Variants in GPRIN3 observed in about 807,000 individuals in gnomAD.
The protein encoded by GPRIN3 is GPRIN family member 3, also known as G protein-regulated inducer of neurite outgrowth 3.
Under a neutral mutation model 13.7 loss-of-function variants are expected in GPRIN3, and 12 were observed. The ratio of observed to expected loss-of-function variants is 0.87; its 90% CI spans 0.56 to 1.42. The LOEUF is 1.42. Among genes scored for constraint, GPRIN3 ranks in the 40% most tolerant of loss-of-function variants. The probability of loss-of-function intolerance (pLI) is 0.00; values close to 1 mark genes in which losing one functional copy is unlikely to be tolerated. For missense variants in GPRIN3, 1,009 were observed against 958.7 expected, an observed-to-expected ratio of 1.05 and a Z score of -0.69; for synonymous variants, 377 against 372.7, an observed-to-expected ratio of 1.01 and a Z score of -0.13.
At chr4:89,272,189 T>C (rs1321033751) in intron 1 of GPRIN3, among the ~76,000 whole-genome samples, 1 of 152,126 alleles carries the variant, frequency 6.6e-6, no homozygotes, top group Non-Finnish European at 1.5e-5. Flanking sequence ...TAACGGGTTA[T>C]GGAGGGTGGT....
At position 89,249,359 on chromosome 4, in the gene GPRIN3, G is replaced by A. The variant is rs769067227; in HGVS notation, c.752C>T (p.Ser251Phe). 6.2e-7 allele frequency: 1 copy of A among 1,614,056 alleles called. No homozygotes were observed. The highest frequency in any genetic ancestry group is 8.5e-7 in the Non-Finnish European group (1 of 1,180,040). Residue 251 changes from serine to phenylalanine, a missense_variant, in exon 2 of 2, where the codon TCT becomes TTT. Coordinates refer to ENST00000609438, the MANE Select transcript of GPRIN3 (RefSeq NM_198281.3). ...GCCTTGGGGGCCCGAGGCAGTGACA[G>A]AGGGCTGCTTGTTCTCTGAACATCC... ...ESGCSENKQP[S>F]VTASGPQGTT...
Position 89,248,860 on chromosome 4 carries a change from G to T in GPRIN3, c.1251C>A (p.Val417=). Residue 417 remains valine (V), a synonymous_variant, in exon 2 of 2, where the codon GTC becomes GTA. Coordinates refer to ENST00000609438, the MANE Select transcript of GPRIN3 (RefSeq NM_198281.3). The part of the protein sequence containing the change: ...ENKLASLPGG[V]LKTSSINLVS... ...CCAAATTGATTGATGAGGTTTTAAGGACCCCACCTGGTAGGCTCGCAAGTT... is the reference window on the plus strand; with the variant it reads ...CCAAATTGATTGATGAGGTTTTAAGTACCCCACCTGGTAGGCTCGCAAGTT... 1 of 1,614,140 alleles carries T rather than the reference G, an allele frequency of 6.2e-7. No individual in the cohort carries two copies. The highest frequency in any genetic ancestry group is 8.5e-7 in the Non-Finnish European group (1 of 1,180,028).
chr4:89,300,812 G>A (rs1724874908), intron 1 of GPRIN3, among the ~76,000 whole-genome samples: 1 of 152,078 alleles, frequency 6.6e-6, no homozygotes, highest in African/African-American at 2.4e-5. Context: ...TACCCACTTT[G>A]TCATAAGCAA....
rs1723014712 is a variant in GPRIN3 at position 89,243,842 on chromosome 4, T to C, written c.*3938A>G. 1 of 152,210 alleles carries C rather than the reference T, an allele frequency of 6.6e-6. No homozygotes were observed. The highest frequency in any genetic ancestry group is 2.4e-5 in the African/African-American group (1 of 41,462). 9.4% of individuals were successfully genotyped at this position (152,210 alleles called of 1,614,324 possible). A position where few individuals can be genotyped will look rare whatever the true frequency, so the allele number is the denominator to read the frequency against. On this transcript the variant is annotated 3_prime_UTR_variant, in exon 2 of 2. Transcript: ENST00000609438. ...AATGTATTGTTTTTCTTTATACTGATTCATAAAAGTAGACAAGGGATGTGG... is the reference window on the plus strand; with the variant it reads ...AATGTATTGTTTTTCTTTATACTGACTCATAAAAGTAGACAAGGGATGTGG...
chr4:89,251,532 A>G (rs2149257779), intron 1 of GPRIN3, among the ~76,000 whole-genome samples: 1 of 152,232 alleles, frequency 6.6e-6, no homozygotes, highest in East Asian at 1.9e-4. Context: ...TTGTAGAAGA[A>G]AAACAGACTG....
chr4:89,265,733 C>G (rs1578088592), intron 1 of GPRIN3, among the ~76,000 whole-genome samples: 1 of 152,134 alleles, frequency 6.6e-6, no homozygotes, highest in East Asian at 1.9e-4. Context: ...TTCCTTCCAC[C>G]CTTCCTTCCT....
At position 89,245,195 on chromosome 4, in the gene GPRIN3, G is replaced by T. The variant is rs547544805; in HGVS notation, c.*2585C>A. 1 of 152,294 alleles carries T rather than the reference G, an allele frequency of 6.6e-6. No homozygotes were observed. The highest frequency in any genetic ancestry group is 2.1e-4 in the South Asian group (1 of 4,828). 9.4% of individuals were successfully genotyped at this position (152,294 alleles called of 1,614,324 possible). On this transcript the variant is annotated 3_prime_UTR_variant, in exon 2 of 2. Transcript: ENST00000609438. Reference sequence around the variant, plus strand: ...TCCCTATCTTATTTATCCATCTGAAGATATATTTCTGTTAATGTCCTTAAA... The same window carrying T: ...TCCCTATCTTATTTATCCATCTGAATATATATTTCTGTTAATGTCCTTAAA...
At chr4:89,303,787 GTA>G (rs1293932794) in intron 1 of GPRIN3, among the ~76,000 whole-genome samples, 1 of 149,010 alleles carries the variant, frequency 6.7e-6, no homozygotes, top group African/African-American at 2.4e-5. Flanking sequence ...TATAAAATAT[GTA>G]TATATGTGTA....
chr4:89,278,848 C>A (rs564745490), intron 1 of GPRIN3, among the ~76,000 whole-genome samples: 1 of 152,300 alleles, frequency 6.6e-6, no homozygotes, highest in African/African-American at 2.4e-5. Context: ...GTCCAAGGAT[C>A]TGGGGTAGTC....
intron 1 of GPRIN3, among the ~76,000 whole-genome samples, chr4:89,252,497 T>C (rs1029566431): frequency 3.3e-5 from 5 of 152,198 alleles, no homozygotes; most frequent in African/African-American, 1.2e-4. Context: ...TCCACTTCTT[T>C]GCACATGATG....
intron 1 of GPRIN3, among the ~76,000 whole-genome samples, chr4:89,267,018 T>C (rs767096481): frequency 1.3e-5 from 2 of 152,186 alleles, no homozygotes; most frequent in Non-Finnish European, 2.9e-5. Context: ...TAGAAGGAAG[T>C]AGACTAAGTG....
intron 1 of GPRIN3, among the ~76,000 whole-genome samples, chr4:89,279,904 T>C (rs2149277875): frequency 6.6e-6 from 1 of 152,304 alleles, no homozygotes; most frequent in African/African-American, 2.4e-5. Context: ...AATCTGAAAA[T>C]TCATCTCCAG....
intron 1 of GPRIN3, among the ~76,000 whole-genome samples, chr4:89,252,831 C>T (rs1723364346): frequency 6.6e-6 from 1 of 152,088 alleles, no homozygotes; most frequent in South Asian, 2.1e-4. Flanking sequence ...TGCAAAATCA[C>T]TTGCTCTGCC....
intron 1 of GPRIN3, among the ~76,000 whole-genome samples, chr4:89,252,699 C>T (rs1723361320): frequency 6.6e-6 from 1 of 152,144 alleles, no homozygotes; most frequent in African/African-American, 2.4e-5. Flanking sequence ...CAAGCTCTTC[C>T]TTCTAACTTC....
chr4:89,263,833 T>C (rs1047313659), intron 1 of GPRIN3, among the ~76,000 whole-genome samples: 3 of 152,048 alleles, frequency 2.0e-5, no homozygotes, highest in African/African-American at 7.3e-5. Flanking sequence ...AGTAGCAGAG[T>C]TGAAATTCAA....
chr4:89,265,872 T>A (rs1243346247), intron 1 of GPRIN3, among the ~76,000 whole-genome samples: 2 of 152,246 alleles, frequency 1.3e-5, no homozygotes, highest in African/African-American at 4.8e-5. Context: ...CAATGTAATA[T>A]AGTTTGTAAC....
intron 1 of GPRIN3, among the ~76,000 whole-genome samples, chr4:89,255,386 C>A (rs1198179390): frequency 6.6e-6 from 1 of 152,124 alleles, no homozygotes; most frequent in African/African-American, 2.4e-5. Context: ...CTTTTAGAAA[C>A]CTTGGTATTT....
chr4:89,299,406 G>A (rs1724832396), intron 1 of GPRIN3, among the ~76,000 whole-genome samples: 1 of 152,174 alleles, frequency 6.6e-6, no homozygotes, highest in African/African-American at 2.4e-5. Flanking sequence ...CATGAGGAAG[G>A]AAAGTGGCAG....
Position 89,248,438 on chromosome 4 carries a change from T to A in GPRIN3, c.1673A>T (p.Asp558Val). Reference protein sequence around the residue: ...EKESTGTDTSDAKTLLLNPKS... With the variant: ...EKESTGTDTSVAKTLLLNPKS... ...AGGATTGAGCAGTAGGGTTTTGGCATCCGAGGTATCAGTGCCAGTAGACTC... is the reference window on the plus strand; with the variant it reads ...AGGATTGAGCAGTAGGGTTTTGGCAACCGAGGTATCAGTGCCAGTAGACTC... The change falls in exon 2 of 2, where the codon GAT becomes GTT. Residue 558 changes from aspartate to valine, a missense_variant. Physicochemically the swap from Asp to Val is radical, Grantham distance 152. Coordinates refer to ENST00000609438, the MANE Select transcript of GPRIN3 (RefSeq NM_198281.3). 2 of 1,614,102 alleles carry A rather than the reference T, an allele frequency of 1.2e-6. No homozygotes were observed. Among genetic ancestry groups the A allele is most frequent in the Non-Finnish European group, 1.7e-6 (2 of 1,179,984 alleles).
Sources: allele counts gnomAD v4.1 joint callset (sites outside exome capture counted in the v4.1 genomes callset), GRCh38; gene constraint gnomAD v4.1.1; transcripts MANE v1.5; gene names NCBI Gene and HGNC (gene_info 2026-07-23, HGNC 2026-07-21).